ITGA8: variants seen among roughly 807,000 people sequenced by gnomAD.
ITGA8 encodes integrin subunit alpha 8, also known as integrin alpha-8.
A neutral mutation model predicts 142.3 loss-of-function variants in ITGA8; 91 were observed. The ratio of observed to expected loss-of-function variants is 0.64; its 90% CI spans 0.54 to 0.76. ITGA8 has a LOEUF of 0.76. Among genes scored for constraint, ITGA8 ranks in the 30% least tolerant of loss-of-function variants. The pLI is 0.00. For synonymous variants in ITGA8, 505 were observed against 485.2 expected (o/e 1.04, Z -0.54); for missense variants, 1,406 against 1,327.7 (o/e 1.06, Z -0.92).
intron 27 of ITGA8, among the ~76,000 whole-genome samples, chr10:15,536,763 G>A (rs1038277798): frequency 1.3e-5 from 2 of 152,126 alleles, no homozygotes; most frequent in Admixed American, 6.5e-5. Context: ...TAGCTCACTG[G>A]CTGTCTCTAT....
At position 15,719,562 on chromosome 10, in the gene ITGA8, C is replaced by T. The variant is rs1333591039; in HGVS notation, c.209+1G>A. The T allele has an allele frequency of 1.3e-6, 2 of 1,558,922 alleles. No individual in the cohort carries two copies. Among genetic ancestry groups the T allele is most frequent in the Non-Finnish European group, 1.7e-6 (2 of 1,160,716 alleles). On this transcript the variant is annotated splice_donor_variant, in intron 1 of 29. Transcript: ENST00000378076. LOFTEE classifies it high-confidence loss of function. ...GCACCTCCCCGGGTCGGGCGACTTA[C>T]GTGCGGGCGTCGGGTATGTGGAAGT...
At chr10:15,705,315 G>T (rs1460706123) in intron 2 of ITGA8, among the ~76,000 whole-genome samples, 2 of 152,124 alleles carry the variant, frequency 1.3e-5, no homozygotes, top group African/African-American at 4.8e-5. Flanking sequence ...ACCTCAGATG[G>T]TGACTTTGCT....
At chr10:15,604,758 A>C (rs535543856) in intron 19 of ITGA8, among the ~76,000 whole-genome samples, 5 of 152,268 alleles carry the variant, frequency 3.3e-5, no homozygotes, top group African/African-American at 1.2e-4. Context: ...ACTTCACTGA[A>C]AACATACATT....
chr10:15,665,449 T>C (rs1212635382), intron 8 of ITGA8, among the ~76,000 whole-genome samples: 1 of 152,196 alleles, frequency 6.6e-6, no homozygotes, highest in Admixed American at 6.5e-5. Context: ...GCAAAAATTT[T>C]TTCCCATTTT....
At chr10:15,532,106 A>C (rs1332773989) in intron 27 of ITGA8, among the ~76,000 whole-genome samples, 1 of 151,966 alleles carries the variant, frequency 6.6e-6, no homozygotes, top group African/African-American at 2.4e-5. Context: ...CCCTGGCTAG[A>C]TGCTAATAGC....
chr10:15,694,065 T>A (rs1378566535), intron 2 of ITGA8, among the ~76,000 whole-genome samples: 2 of 147,226 alleles, frequency 1.4e-5, no homozygotes, highest in Non-Finnish European at 3.0e-5. Flanking sequence ...TATATACATA[T>A]TTTTAAAAAT....
intron 2 of ITGA8, among the ~76,000 whole-genome samples, chr10:15,712,143 T>C (rs952117043): frequency 6.6e-6 from 1 of 152,266 alleles, no homozygotes; most frequent in Non-Finnish European, 1.5e-5. Flanking sequence ...GCAATAAATA[T>C]GTTCTTTGTA....
intron 26 of ITGA8, among the ~76,000 whole-genome samples, chr10:15,553,578 C>T (rs796130986): frequency 1.4e-4 from 21 of 152,326 alleles, no homozygotes; most frequent in African/African-American, 4.8e-4. Flanking sequence ...CTCCATCCAA[C>T]TCCAAAGCTT....
At chr10:15,644,330 G>C in intron 12 of ITGA8, 109 bp from the exon 13 acceptor site, 8 of 1,004,242 alleles carry the variant, frequency 8.0e-6, no homozygotes, top group Non-Finnish European at 8.6e-6. Flanking sequence ...TGCAGTGGTG[G>C]GATCATGGCT....
chr10:15,634,647 T>G (rs1023333582), intron 13 of ITGA8, among the ~76,000 whole-genome samples: 1 of 152,156 alleles, frequency 6.6e-6, no homozygotes, highest in African/African-American at 2.4e-5. Flanking sequence ...GATAACAATC[T>G]CTTGAATATC....
intron 25 of ITGA8, among the ~76,000 whole-genome samples, chr10:15,558,584 G>A (rs183232459): frequency 2.6e-4 from 39 of 152,252 alleles, no homozygotes; most frequent in East Asian, 9.7e-4. Flanking sequence ...ACTGAGGAAC[G>A]TTCTGTATGG....
chr10:15,719,694 C>G lies in ITGA8; in HGVS notation c.78G>C (p.Ala26=). ...LIAPLCCAAA[A]LGMLLWSPAC... is the part of the protein sequence containing the mutation. ...CGGGGGACCACAGCAACATCCCCAG[C>G]GCGGCCGCGGCGCAGCAGAGGGGCG... is the stretch of plus-strand genomic sequence containing the variant. The change falls in exon 1 of 30, where the codon GCG becomes GCC. Residue 26 remains alanine (A), a synonymous_variant. Coordinates refer to ENST00000378076, the MANE Select transcript of ITGA8 (RefSeq NM_003638.3). The G allele has an allele frequency of 3.4e-6, 5 of 1,460,144 alleles. No individual in the cohort carries two copies. The highest frequency in any genetic ancestry group is 4.5e-6 in the Non-Finnish European group (5 of 1,115,792). The allele number at this position is 1,460,144 out of a possible 1,614,324, so 90.4% of individuals were successfully genotyped here.
rs4030584 is a variant in ITGA8 at position 15,620,308 on chromosome 10, TACACACACACAC to T, written c.1400-3761_1400-3750del. ...GCATGTATACTTGAAGGTGTTGAGA[TACACACACACAC>T]ACACACACACACACGTTCCAGATTC... On this transcript the variant is annotated intron_variant, in intron 13 of 29. Transcript: ENST00000378076. 3.0e-3 allele frequency among the ~76,000 whole-genome samples: 454 copies of T among 150,914 alleles called. 8 individuals carry two copies. Among genetic ancestry groups the T allele is most frequent in the African/African-American group, 0.011 (438 of 41,126 alleles).
At chr10:15,603,595 C>G (rs566026783) in intron 20 of ITGA8, among the ~76,000 whole-genome samples, 195 of 152,270 alleles carry the variant, frequency 1.3e-3, no homozygotes, top group Non-Finnish European at 2.6e-3. Flanking sequence ...TGGGAAGATT[C>G]ATGTTCTGAT....
intron 23 of ITGA8, among the ~76,000 whole-genome samples, chr10:15,582,082 T>C (rs190978741): frequency 1.4e-4 from 21 of 152,022 alleles, no homozygotes; most frequent in Admixed American, 3.3e-4. Flanking sequence ...CCACAAAACG[T>C]TTAAACATTA....
At chr10:15,707,750 G>T (rs1312299160) in intron 2 of ITGA8, among the ~76,000 whole-genome samples, 1 of 151,702 alleles carries the variant, frequency 6.6e-6, no homozygotes, top group Non-Finnish European at 1.5e-5. Flanking sequence ...TTGAACCTGG[G>T]AGGTGGAGGT....
intron 25 of ITGA8, among the ~76,000 whole-genome samples, chr10:15,562,173 G>A (rs192056337): frequency 3.3e-5 from 5 of 152,314 alleles, no homozygotes; most frequent in African/African-American, 7.2e-5. Flanking sequence ...GGTGGGGAGG[G>A]GTTTGGGATG....
In ITGA8 at chr10:15,572,229, G is replaced by A; in HGVS notation, c.2619C>T (p.Ile873=). 1 of 1,613,718 alleles carries A rather than the reference G, an allele frequency of 6.2e-7. No homozygotes were observed. Among genetic ancestry groups the A allele is most frequent in the Non-Finnish European group, 8.5e-7 (1 of 1,179,714 alleles). The change falls in exon 25 of 30, where the codon ATC becomes ATT. Residue 873 remains isoleucine (I), a synonymous_variant. Coordinates refer to ENST00000378076, the MANE Select transcript of ITGA8 (RefSeq NM_003638.3). ...GPLQCQPNPN[I]NPQDIKPAAS... is the part of the protein sequence containing the mutation. ...CTCCTACCTTTATATCCTGTGGATT[G>A]ATATTAGGATTTGGTTGGCACTGCA... is the stretch of plus-strand genomic sequence containing the variant.
chr10:15,616,237 T>A (rs1254562624), intron 14 of ITGA8, among the ~76,000 whole-genome samples: 2 of 152,158 alleles, frequency 1.3e-5, no homozygotes, highest in African/African-American at 4.8e-5. Context: ...TAAATCAAAT[T>A]CAGTAACGTC....
Sources: allele counts gnomAD v4.1 joint callset (sites outside exome capture counted in the v4.1 genomes callset), GRCh38; gene constraint gnomAD v4.1.1; transcripts MANE v1.5; gene names NCBI Gene and HGNC (gene_info 2026-07-23, HGNC 2026-07-21).